INPP5A: variants seen among roughly 807,000 people sequenced by gnomAD.
The protein encoded by INPP5A is 43 kDa inositol polyphosphate 5-phophatase.
A neutral mutation model predicts 65.2 loss-of-function variants in INPP5A; 14 were observed. The observed-to-expected ratio is 0.21, with a 90% CI of 0.14 to 0.34. The LOEUF is 0.34. INPP5A is among the 10% of genes least tolerant of loss of function. INPP5A has a pLI of 1.00. For synonymous variants in INPP5A, 207 were observed against 208.3 expected (o/e 0.99, Z 0.05); for missense variants, 431 against 545.6 (o/e 0.79, Z 2.09).
chr10:132,759,785 G>A (rs1354457197), intron 11 of INPP5A, among the ~76,000 whole-genome samples: 3 of 152,128 alleles, frequency 2.0e-5, no homozygotes, highest in South Asian at 4.2e-4. Flanking sequence ...CCATGCCCAC[G>A]CCAGCCCATG....
At chr10:132,681,142 C>T (rs1237909832) in intron 4 of INPP5A, among the ~76,000 whole-genome samples, 1 of 152,220 alleles carries the variant, frequency 6.6e-6, no homozygotes, top group Non-Finnish European at 1.5e-5. Context: ...CGTGCAGAAC[C>T]TTTGTATCTA....
intron 1 of INPP5A, among the ~76,000 whole-genome samples, chr10:132,553,767 A>C (rs376973710): frequency 1.2e-5 from 1 of 86,518 alleles, no homozygotes; most frequent in Non-Finnish European, 2.2e-5. Flanking sequence ...AATATTGAGT[A>C]GGATAGGGAG....
intron 1 of INPP5A, among the ~76,000 whole-genome samples, chr10:132,559,650 C>T (rs780224811): frequency 4.1e-5 from 6 of 147,110 alleles, no homozygotes. Flanking sequence ...TTACTCAGCA[C>T]GTGTGTTCCA....
In INPP5A at chr10:132,653,542, GC is replaced by G. The variant is rs140711932; in HGVS notation, c.306+3039del. 7.7e-3 allele frequency among the ~76,000 whole-genome samples: 1,180 copies of G among 152,308 alleles called. 15 individuals are homozygous for G. Among genetic ancestry groups the G allele is most frequent in the African/African-American group, 0.027 (1,131 of 41,560 alleles). On this transcript the variant is annotated intron_variant, in intron 4 of 15. Coordinates refer to ENST00000368594, the MANE Select transcript of INPP5A (RefSeq NM_005539.5). ...CCTGGGTGGTTCCAGCAAAACAGTC[GC>G]CAGGGCACATGAGTCTAGTTCCAGA...
chr10:132,750,099 A>C (rs1421188021), intron 11 of INPP5A, among the ~76,000 whole-genome samples: 3 of 152,240 alleles, frequency 2.0e-5, no homozygotes, highest in Non-Finnish European at 2.9e-5. Flanking sequence ...TCAGCTTCAG[A>C]GATCCCCCCG....
chr10:132,695,129 CAA>C, intron 5 of INPP5A, among the ~76,000 whole-genome samples: 1 of 151,978 alleles, frequency 6.6e-6, no homozygotes, highest in African/African-American at 2.4e-5. Flanking sequence ...ACAAAATTCT[CAA>C]GAGTCAGTTA....
At chr10:132,638,265 C>A (rs2072382512) in intron 2 of INPP5A, among the ~76,000 whole-genome samples, 1 of 152,206 alleles carries the variant, frequency 6.6e-6, no homozygotes, top group African/African-American at 2.4e-5. Flanking sequence ...CTGGGCCTCC[C>A]ACTTTCCATC....
chr10:132,735,042 G>A (rs1289067204), intron 9 of INPP5A, among the ~76,000 whole-genome samples: 1 of 152,150 alleles, frequency 6.6e-6, no homozygotes, highest in Non-Finnish European at 1.5e-5. Flanking sequence ...GCCGTGTGGA[G>A]CAGGTGCATC....
In INPP5A at chr10:132,704,191, T is replaced by C. The variant is rs1845494909; in HGVS notation, c.475-4122T>C. 6.6e-6 allele frequency among the ~76,000 whole-genome samples: 1 copy of C among 151,826 alleles called. No individual in the cohort carries two copies. Among genetic ancestry groups the C allele is most frequent in the South Asian group, 2.1e-4 (1 of 4,814 alleles). ...AGCTGCTGGTGCTCTAGGGGAGTCG[T>C]GTATTGAGGCGCCTTGGCCTGCAGG... On this transcript the variant is annotated intron_variant, in intron 6 of 15. Transcript: ENST00000368594. The surrounding 1 kb of genome is among the most constrained non-coding windows in gnomAD (Gnocchi z 4.5).
chr10:132,670,945 G>A (rs2072882517), intron 4 of INPP5A, among the ~76,000 whole-genome samples: 2 of 151,682 alleles, frequency 1.3e-5, no homozygotes, highest in South Asian at 4.2e-4. Flanking sequence ...ACGGCTTGAC[G>A]GGCGTCACTT....
chr10:132,782,259 T>G lies in INPP5A; in HGVS notation c.*230T>G. The G allele has an allele frequency of 2.2e-6, 1 of 456,194 alleles. No individual in the cohort carries two copies. Among genetic ancestry groups the G allele is most frequent in the East Asian group, 5.9e-5 (1 of 17,068 alleles). The allele number at this position is 456,194 out of a possible 1,614,324, so 28.3% of individuals were successfully genotyped here. On this transcript the variant is annotated 3_prime_UTR_variant, in exon 16 of 16. Transcript: ENST00000368594. This position sits in a 1 kb window ranked among gnomAD's most constrained non-coding sequence, Gnocchi z 4.4. The stretch of plus-strand genomic sequence containing the variant: ...TTAAGTAGAAATATTGGTTTTTTTT[T>G]TTTTTTTTTAAATAAGTCACAGTCC...
chr10:132,605,433 TGGGGATGGGGA>T (rs1484450638), intron 1 of INPP5A, among the ~76,000 whole-genome samples: 8 of 27,140 alleles, frequency 2.9e-4, no homozygotes, highest in African/African-American at 7.3e-4. Context: ...GGAAAGGGGC[TGGGGATGGGGA>T]GGGGATGGGG....
intron 9 of INPP5A, among the ~76,000 whole-genome samples, chr10:132,746,867 G>A (rs1846379892): frequency 6.6e-6 from 1 of 152,214 alleles, no homozygotes; most frequent in Non-Finnish European, 1.5e-5. Context: ...GACTTTGCTG[G>A]ATTGAAAGGC....
intron 12 of INPP5A, among the ~76,000 whole-genome samples, chr10:132,773,204 G>T (rs982652995): frequency 6.6e-6 from 1 of 152,218 alleles, no homozygotes; most frequent in African/African-American, 2.4e-5. Flanking sequence ...AAATGGAAAA[G>T]TTTAGAAGTT....
intron 1 of INPP5A, among the ~76,000 whole-genome samples, chr10:132,552,068 TG>T (rs2071058930): frequency 6.6e-6 from 1 of 152,252 alleles, no homozygotes; most frequent in Non-Finnish European, 1.5e-5. Flanking sequence ...GGAGCATTTA[TG>T]GGCGCATTCT....
chr10:132,551,446 A>G lies in INPP5A; in HGVS notation c.75+13275A>G, dbSNP rs1373772371. ...GCTTCTGGGTCAGCAAGTGTTTGCC[A>G]TACGCCTGGGTGCAAAGTGGACCAG... is the stretch of plus-strand genomic sequence containing the variant. On this transcript the variant is annotated intron_variant, in intron 1 of 15. Coordinates refer to ENST00000368594, the MANE Select transcript of INPP5A (RefSeq NM_005539.5). This position sits in a 1 kb window ranked among gnomAD's most constrained non-coding sequence, Gnocchi z 5.3. 1.3e-5 allele frequency among the ~76,000 whole-genome samples: 2 copies of G among 152,186 alleles called. No individual in the cohort carries two copies. The highest frequency in any genetic ancestry group is 2.9e-5 in the Non-Finnish European group (2 of 68,040).
chr10:132,636,143 T>C lies in INPP5A; in HGVS notation c.118-9725T>C, dbSNP rs1474378724. Among the ~76,000 whole-genome samples the C allele has an allele frequency of 5.4e-5, 8 of 147,946 alleles. No homozygotes were observed. The Admixed American group carries it at 5.5e-4, about 10-fold the overall frequency. ...AGTTGGAAATATTATTTCAAAAAAA[T>C]GCTTTATTGGATAAACAAAATGTGT... On this transcript the variant is annotated intron_variant, in intron 2 of 15. Transcript: ENST00000368594.
chr10:132,749,290 C>T (rs1399714176), intron 9 of INPP5A, among the ~76,000 whole-genome samples: 1 of 149,586 alleles, frequency 6.7e-6, no homozygotes, highest in Non-Finnish European at 1.5e-5. Flanking sequence ...GGTGTCCTCA[C>T]GGTTGCAGCC....
In INPP5A at chr10:132,637,483, G is replaced by C. The variant is rs1366589348; in HGVS notation, c.118-8385G>C. ...TGTTAGGTGTTTCGGGTGTCCTTTG[G>C]GTCCCTGATCCTCCAAATGTTCCTC... On this transcript the variant is annotated intron_variant, in intron 2 of 15. Coordinates refer to ENST00000368594, the MANE Select transcript of INPP5A (RefSeq NM_005539.5). This position sits in a 1 kb window ranked among gnomAD's most constrained non-coding sequence, Gnocchi z 4.1. 1.3e-5 allele frequency among the ~76,000 whole-genome samples: 2 copies of C among 151,272 alleles called. No individual in the cohort carries two copies. Among genetic ancestry groups the C allele is most frequent in the African/African-American group, 4.9e-5 (2 of 40,654 alleles).
Sources: gnomAD v4.1 joint callset for allele counts (sites outside exome capture counted in the v4.1 genomes callset) on GRCh38, gnomAD v4.1.1 for gene constraint, Gnocchi (gnomAD v3.1) non-coding constraint, MANE v1.5 for transcripts, NCBI Gene and HGNC (gene_info 2026-07-23, HGNC 2026-07-21) for gene names.